Variants in TBCA observed in about 807,000 individuals in gnomAD.
TBCA encodes tubulin folding cofactor A.
A neutral mutation model predicts 15.8 loss-of-function variants in TBCA; 6 were observed. The ratio of observed to expected loss-of-function variants is 0.38; its 90% CI spans 0.21 to 0.75. The LOEUF is 0.75. Among genes scored for constraint, TBCA ranks in the 30% least tolerant of loss-of-function variants. The pLI, the probability that TBCA is intolerant of heterozygous loss-of-function variation, is 0.46. For synonymous variants in TBCA, 32 were observed against 42.3 expected, an observed-to-expected ratio of 0.76 and a Z score of 0.94; for missense variants, 90 against 131.2, an observed-to-expected ratio of 0.69 and a Z score of 1.53.
chr5:77,715,160 G>A lies in TBCA; in HGVS notation c.54-6813C>T, dbSNP rs750201341. On this transcript the variant is annotated intron_variant, in intron 1 of 3. Coordinates refer to ENST00000380377, the MANE Select transcript of TBCA (RefSeq NM_004607.3). ...GCTATGTAAATAACTGATGAAAGAA[G>A]TTATAGGCCAAGGGATCTATTTTTA... is the stretch of plus-strand genomic sequence containing the variant. 12 of 677,564 alleles carry A rather than the reference G, an allele frequency of 1.8e-5. No homozygotes were observed. In the East Asian group the frequency reaches 3.2e-4, roughly 18 times the overall value. The allele number at this position is 677,564 out of a possible 1,614,324, so 42.0% of individuals were successfully genotyped here.
chr5:77,731,383 T>A (rs1746765585), intron 1 of TBCA, among the ~76,000 whole-genome samples: 1 of 152,178 alleles, frequency 6.6e-6, no homozygotes, highest in Admixed American at 6.5e-5. Context: ...TTTCCTCAAC[T>A]GCAAAGCAAG....
intron 1 of TBCA, among the ~76,000 whole-genome samples, chr5:77,733,862 T>A (rs1746833779): frequency 6.6e-6 from 1 of 152,216 alleles, no homozygotes; most frequent in African/African-American, 2.4e-5. Context: ...TAGAAATCAC[T>A]GCTTAGGCTT....
intron 1 of TBCA, among the ~76,000 whole-genome samples, chr5:77,763,318 AAAC>A (rs1371296259): frequency 6.6e-6 from 1 of 152,200 alleles, no homozygotes; most frequent in African/African-American, 2.4e-5. Flanking sequence ...AATGAAAACT[AAAC>A]AAAGACAGTA....
chr5:77,717,450 T>C (rs1283191298), intron 1 of TBCA, among the ~76,000 whole-genome samples: 1 of 113,786 alleles, frequency 8.8e-6, no homozygotes, highest in Non-Finnish European at 2.0e-5. Flanking sequence ...ATCCCCAGTT[T>C]TATGGGGATT....
At chr5:77,745,241 A>G (rs1311118118) in intron 1 of TBCA, among the ~76,000 whole-genome samples, 4 of 152,224 alleles carry the variant, frequency 2.6e-5, no homozygotes, top group African/African-American at 9.6e-5. Flanking sequence ...ATTCAATAAA[A>G]CAAGTATAAA....
At chr5:77,702,002 G>A (rs972863553) in intron 2 of TBCA, among the ~76,000 whole-genome samples, 9 of 151,838 alleles carry the variant, frequency 5.9e-5, no homozygotes, top group South Asian at 2.1e-4. Flanking sequence ...ATGCAAAGGC[G>A]TAAGAATGAC....
intron 2 of TBCA, among the ~76,000 whole-genome samples, chr5:77,703,939 G>C (rs974673266): frequency 2.7e-4 from 41 of 152,056 alleles, no homozygotes; most frequent in African/African-American, 9.6e-4. Context: ...GTTCTCATGA[G>C]ATCAGAGGGT....
rs556174082 is a variant in TBCA, at chr5:77,770,770, C to G, written c.53+5435G>C. On this transcript the variant is annotated intron_variant, in intron 1 of 3. Coordinates refer to ENST00000380377, the MANE Select transcript of TBCA (RefSeq NM_004607.3). ...AAACAAAGAGCCAGCTACACCCAAACCTGCCAACTAATACCCACTACCAGT... is the reference window on the plus strand; with the variant it reads ...AAACAAAGAGCCAGCTACACCCAAAGCTGCCAACTAATACCCACTACCAGT... 1.6e-4 allele frequency among the ~76,000 whole-genome samples: 25 copies of G among 151,562 alleles called. No individual in the cohort carries two copies. In the South Asian group the frequency reaches 4.8e-3, roughly 29 times the overall value.
chr5:77,691,916 CAAAG>C (rs1745759795), intron 3 of TBCA: 15 of 989,012 alleles, frequency 1.5e-5, no homozygotes, highest in Non-Finnish European at 1.8e-5. Context: ...TTCACAATGA[CAAAG>C]AAGGCTTCTG....
rs549058158 is a variant in TBCA, at chr5:77,758,575, C to G, written c.53+17630G>C. ...CTGAATAAAGCCCTTCCTTCTACAACACGGTGTCTGAGAGGTTTTGTCCAC... is the reference window on the plus strand; with the variant it reads ...CTGAATAAAGCCCTTCCTTCTACAAGACGGTGTCTGAGAGGTTTTGTCCAC... On this transcript the variant is annotated intron_variant, in intron 1 of 3. Transcript: ENST00000380377. 4.6e-5 allele frequency among the ~76,000 whole-genome samples: 7 copies of G among 152,306 alleles called. No individual in the cohort carries two copies. The South Asian group carries it at 1.5e-3, about 32-fold the overall frequency.
intron 2 of TBCA, among the ~76,000 whole-genome samples, chr5:77,698,201 T>C (rs1304567534): frequency 6.7e-6 from 1 of 150,278 alleles, no homozygotes; most frequent in Non-Finnish European, 1.5e-5. Context: ...TAAACCTTTA[T>C]TAAGACAGAC....
At chr5:77,758,052 T>G (rs1747517247) in intron 1 of TBCA, among the ~76,000 whole-genome samples, 1 of 152,146 alleles carries the variant, frequency 6.6e-6, no homozygotes, top group African/African-American at 2.4e-5. Flanking sequence ...TAAAAAGCTT[T>G]AGAACAGGAA....
chr5:77,740,324 G>GC (rs1047337135), intron 1 of TBCA, among the ~76,000 whole-genome samples: 21 of 152,300 alleles, frequency 1.4e-4, no homozygotes, highest in African/African-American at 5.1e-4. Flanking sequence ...CACTACAGCT[G>GC]CAACATGGAT....
At chr5:77,772,076 C>A in intron 1 of TBCA, among the ~76,000 whole-genome samples, 1 of 148,788 alleles carries the variant, frequency 6.7e-6, no homozygotes, top group South Asian at 2.1e-4. Flanking sequence ...GTTTTTAAAC[C>A]ATTGATTAAA....
At chr5:77,748,879 A>C (rs1324586159) in intron 1 of TBCA, among the ~76,000 whole-genome samples, 2 of 152,222 alleles carry the variant, frequency 1.3e-5, no homozygotes, top group African/African-American at 4.8e-5. Context: ...TAAGACAATC[A>C]TAAGGAAGAG....
chr5:77,719,054 T>A (rs1465476360), intron 1 of TBCA, among the ~76,000 whole-genome samples: 1 of 152,204 alleles, frequency 6.6e-6, no homozygotes, highest in Non-Finnish European at 1.5e-5. Context: ...TGAAAATATG[T>A]CTCATATCAC....
intron 1 of TBCA, among the ~76,000 whole-genome samples, chr5:77,770,589 A>G (rs75713237): frequency 6.8e-6 from 1 of 147,980 alleles, no homozygotes; most frequent in African/African-American, 2.5e-5. Context: ...CAAAAAAAAA[A>G]CAGAGTGTTC....
intron 2 of TBCA, among the ~76,000 whole-genome samples, chr5:77,693,782 A>G (rs376972555): frequency 7.5e-4 from 98 of 130,690 alleles, no homozygotes; most frequent in African/African-American, 2.5e-3. Flanking sequence ...CTGGGCAACA[A>G]GAGTGAAACT....
intron 1 of TBCA, among the ~76,000 whole-genome samples, chr5:77,762,981 C>T (rs1158635579): frequency 2.0e-5 from 3 of 152,170 alleles, no homozygotes; most frequent in Non-Finnish European, 4.4e-5. Context: ...CGGTGGCTCA[C>T]GCCTGTAATC....
Sources: allele counts gnomAD v4.1 joint callset (sites outside exome capture counted in the v4.1 genomes callset), GRCh38; gene constraint gnomAD v4.1.1; transcripts MANE v1.5; gene names NCBI Gene and HGNC (gene_info 2026-07-23, HGNC 2026-07-21).